Variants in NELL1 observed in about 807,000 individuals in gnomAD.
NELL1 encodes the protein protein kinase C-binding protein NELL1.
A neutral mutation model predicts 107.4 loss-of-function variants in NELL1; 76 were observed. The ratio of observed to expected loss-of-function variants is 0.71; its 90% CI spans 0.59 to 0.86. NELL1 has a LOEUF of 0.86. Among genes scored for constraint, NELL1 ranks in the 40% least tolerant of loss-of-function variants. The probability of loss-of-function intolerance (pLI) is 0.00; values close to 1 mark genes in which losing one functional copy is unlikely to be tolerated. For missense variants in NELL1, 1,024 were observed against 1,005.5 expected, an observed-to-expected ratio of 1.02 and a Z score of -0.25; for synonymous variants, 353 against 341.2, an observed-to-expected ratio of 1.03 and a Z score of -0.38.
rs78327660 is a variant in NELL1, at chr11:21,391,753, A to G, written c.1645+20805A>G. Among the ~76,000 whole-genome samples the G allele has an allele frequency of 2.6e-3, 389 of 151,680 alleles. 1 individual carries two copies. Among genetic ancestry groups the G allele is most frequent in the Non-Finnish European group, 4.7e-3 (321 of 67,796 alleles). On this transcript the variant is annotated intron_variant, in intron 15 of 19. Coordinates refer to ENST00000357134, the MANE Select transcript of NELL1 (RefSeq NM_006157.5). ...GGGCTCACGTGATCTTCTCACCTCAACCTCTGGAGAAACTGGGACTACATA... is the reference window on the plus strand; with the variant it reads ...GGGCTCACGTGATCTTCTCACCTCAGCCTCTGGAGAAACTGGGACTACATA...
intron 12 of NELL1, among the ~76,000 whole-genome samples, chr11:20,982,525 G>A (rs1004450683): frequency 2.0e-5 from 3 of 152,172 alleles, no homozygotes; most frequent in African/African-American, 7.2e-5. Context: ...TGCCTCACCT[G>A]TTCAATGGTA....
chr11:21,574,201 C>T (rs1857169010), intron 19 of NELL1, among the ~76,000 whole-genome samples: 1 of 151,794 alleles, frequency 6.6e-6, no homozygotes, highest in South Asian at 2.1e-4. Flanking sequence ...GGCTCAGCTT[C>T]AAGCATCAGT....
chr11:21,171,212 G>T (rs1362896190), intron 13 of NELL1, among the ~76,000 whole-genome samples: 1 of 151,624 alleles, frequency 6.6e-6, no homozygotes, highest in East Asian at 1.9e-4. Context: ...CTAACAAAGG[G>T]TACCCATTTT....
chr11:21,327,342 TA>T (rs201029627), intron 14 of NELL1, among the ~76,000 whole-genome samples: 11,755 of 146,926 alleles, frequency 0.08, 513 homozygotes, highest in African/African-American at 0.12. Context: ...ACTTAAAGTA[TA>T]AAAAAAAAAA....
intron 12 of NELL1, among the ~76,000 whole-genome samples, chr11:21,024,674 CAAAAT>C (rs1484746491): frequency 6.6e-6 from 1 of 152,042 alleles, no homozygotes; most frequent in Non-Finnish European, 1.5e-5. Context: ...AAACATGAAA[CAAAAT>C]AAACTTGTCT....
chr11:21,027,451 A>G (rs769094552), intron 12 of NELL1, among the ~76,000 whole-genome samples: 1 of 151,168 alleles, frequency 6.6e-6, no homozygotes, highest in Non-Finnish European at 1.5e-5. Flanking sequence ...ATGAAACAAG[A>G]TTCCAAGCTG....
In NELL1 at chr11:20,921,796, G is replaced by T. The variant is rs371355438; in HGVS notation, c.759+2462G>T. Reference sequence around the variant, plus strand: ...GAGCAAGGTCTCTTTTTTATTGTGTGTGTTTTTTTTTTTTTTTTAAGAACA... The same window carrying T: ...GAGCAAGGTCTCTTTTTTATTGTGTTTGTTTTTTTTTTTTTTTTAAGAACA... On this transcript the variant is annotated intron_variant, in intron 7 of 19. Transcript: ENST00000357134. Among the ~76,000 whole-genome samples the T allele has an allele frequency of 2.7e-3, 365 of 137,124 alleles. 1 individual carries two copies. Among genetic ancestry groups the T allele is most frequent in the Admixed American group, 7.7e-3 (109 of 14,182 alleles). 90.0% of individuals were successfully genotyped at this position (137,124 alleles called of 152,430 possible). A position where few individuals can be genotyped will look rare whatever the true frequency, so the allele number is the denominator to read the frequency against.
intron 14 of NELL1, among the ~76,000 whole-genome samples, chr11:21,365,368 T>C (rs1475241549): frequency 6.6e-6 from 1 of 152,188 alleles, no homozygotes; most frequent in Non-Finnish European, 1.5e-5. Context: ...TGTGCAGTGG[T>C]GCAAACTTCG....
chr11:21,165,221 T>C (rs1372768921), intron 13 of NELL1, among the ~76,000 whole-genome samples: 1 of 152,200 alleles, frequency 6.6e-6, no homozygotes, highest in Non-Finnish European at 1.5e-5. Flanking sequence ...GGTTTTCTGT[T>C]CTTCCTTAGA....
intron 12 of NELL1, among the ~76,000 whole-genome samples, chr11:21,051,750 C>T (rs567882724): frequency 6.6e-6 from 1 of 152,000 alleles, no homozygotes; most frequent in African/African-American, 2.4e-5. Context: ...CTTGTTTTCT[C>T]TCTTCTCCTG....
rs777796288 is a variant in NELL1 at position 21,208,338 on chromosome 11, A to C, written c.1427-20994A>C. ...ATAACTCCCGTTTATCTTCTCTTCA[A>C]CACTAGTGTAAATTACTGTCAATAT... On this transcript the variant is annotated intron_variant, in intron 13 of 19. Transcript: ENST00000357134. 2.0e-5 allele frequency among the ~76,000 whole-genome samples: 3 copies of C among 151,786 alleles called. No individual in the cohort carries two copies. The East Asian group carries it at 5.8e-4, about 29-fold the overall frequency.
chr11:21,135,782 C>T (rs1283628189), intron 13 of NELL1, among the ~76,000 whole-genome samples: 1 of 152,010 alleles, frequency 6.6e-6, no homozygotes, highest in Non-Finnish European at 1.5e-5. Flanking sequence ...GATCATTTTT[C>T]TCTCTCATGT....
intron 12 of NELL1, among the ~76,000 whole-genome samples, chr11:20,995,152 A>G (rs1852061602): frequency 6.6e-6 from 1 of 152,090 alleles, no homozygotes; most frequent in Non-Finnish European, 1.5e-5. Context: ...TAATTGCTGC[A>G]GAGAAAATTG....
At chr11:21,119,503 A>G (rs1309762325) in intron 13 of NELL1, among the ~76,000 whole-genome samples, 1 of 151,970 alleles carries the variant, frequency 6.6e-6, no homozygotes, top group Non-Finnish European at 1.5e-5. Context: ...CTCCCTGGGG[A>G]CTGGGGTTTC....
intron 2 of NELL1, among the ~76,000 whole-genome samples, chr11:20,764,987 T>C (rs1856499795): frequency 6.6e-6 from 1 of 152,046 alleles, no homozygotes; most frequent in African/African-American, 2.4e-5. Flanking sequence ...CATAGCAAGA[T>C]GTCTCTACAA....
At chr11:21,167,095 A>G (rs1856500734) in intron 13 of NELL1, among the ~76,000 whole-genome samples, 1 of 151,902 alleles carries the variant, frequency 6.6e-6, no homozygotes, top group Non-Finnish European at 1.5e-5. Flanking sequence ...TAATATACAT[A>G]CATAAGGTTC....
chr11:21,520,081 C>T (rs1855680076), intron 15 of NELL1, among the ~76,000 whole-genome samples: 1 of 152,062 alleles, frequency 6.6e-6, no homozygotes, highest in African/African-American at 2.4e-5. Flanking sequence ...AGGAGCATTC[C>T]AAAGGAAAAC....
At chr11:20,851,443 A>T (rs1361939604) in intron 4 of NELL1, among the ~76,000 whole-genome samples, 1 of 152,166 alleles carries the variant, frequency 6.6e-6, no homozygotes, top group Non-Finnish European at 1.5e-5. Flanking sequence ...GAGACTGATT[A>T]TCTCCATTGC....
intron 12 of NELL1, 145 bp downstream of exon 12, chr11:20,960,705 CTG>C: frequency 1.1e-6 from 1 of 942,522 alleles, no homozygotes; most frequent in Non-Finnish European, 1.6e-6. Flanking sequence ...TGAGGGTTCT[CTG>C]TTCTCCTGGT....
Sources: allele counts gnomAD v4.1 joint callset (sites outside exome capture counted in the v4.1 genomes callset), GRCh38; gene constraint gnomAD v4.1.1; transcripts MANE v1.5; gene names NCBI Gene and HGNC (gene_info 2026-07-23, HGNC 2026-07-21).